The following ABLIM2 variants were observed in gnomAD, a reference collection of about 807,000 sequenced individuals.
The protein encoded by ABLIM2 is actin binding LIM protein family member 2.
Under a neutral mutation model 97.7 loss-of-function variants are expected in ABLIM2, and 53 were observed. The observed-to-expected ratio is 0.54, with a 90% CI of 0.44 to 0.68. The LOEUF (loss-of-function observed/expected upper bound fraction) is 0.68, where lower values mean the gene tolerates loss of function less well. ABLIM2 is among the 30% of genes least tolerant of loss of function. ABLIM2 has a pLI of 0.00. For missense variants in ABLIM2, 835 were observed against 867.2 expected, an observed-to-expected ratio of 0.96 and a Z score of 0.47; for synonymous variants, 361 against 345.8, an observed-to-expected ratio of 1.04 and a Z score of -0.49.
intron 7 of ABLIM2, among the ~76,000 whole-genome samples, chr4:8,056,845 T>A (rs1183120791): frequency 7.3e-6 from 1 of 137,232 alleles, no homozygotes; most frequent in Non-Finnish European, 1.5e-5. Flanking sequence ...GGCAGGAGAA[T>A]GGCGTGAACT....
chr4:8,064,836 T>C (rs1177026539), intron 6 of ABLIM2, among the ~76,000 whole-genome samples: 1 of 152,106 alleles, frequency 6.6e-6, no homozygotes, highest in African/African-American at 2.4e-5. Context: ...GTGTGTCCAG[T>C]TTGTAAAAAT....
chr4:8,137,926 C>T (rs759401392), intron 1 of ABLIM2, among the ~76,000 whole-genome samples: 11 of 152,206 alleles, frequency 7.2e-5, no homozygotes, highest in East Asian at 1.9e-4. Flanking sequence ...AGGTGCCCTC[C>T]GGCAAATGAA....
At chr4:8,134,390 G>C (rs1022230925) in intron 1 of ABLIM2, among the ~76,000 whole-genome samples, 13 of 152,062 alleles carry the variant, frequency 8.5e-5, no homozygotes, top group African/African-American at 2.7e-4. Flanking sequence ...CACTCGCCCA[G>C]GCCGGAAACT....
At chr4:8,011,908 T>C (rs909485914) in intron 14 of ABLIM2, among the ~76,000 whole-genome samples, 1 of 152,188 alleles carries the variant, frequency 6.6e-6, no homozygotes, top group Admixed American at 6.5e-5. Flanking sequence ...CCAAACCCCA[T>C]CTTATAATTC....
intron 3 of ABLIM2, among the ~76,000 whole-genome samples, chr4:8,089,799 A>C (rs76410285): frequency 6.7e-6 from 1 of 149,962 alleles, no homozygotes; most frequent in Non-Finnish European, 1.5e-5. Context: ...TGTCTTCTTC[A>C]GGGAGGAGAC....
At chr4:8,077,796 AAG>A (rs1817231962) in intron 5 of ABLIM2, 75 bp from the exon 6 acceptor site, 4 of 1,286,616 alleles carry the variant, frequency 3.1e-6, no homozygotes, top group South Asian at 2.7e-5. Context: ...CCTCACCAAC[AAG>A]AGAGTCTGCC....
chr4:8,153,637 C>A (rs181995951), intron 1 of ABLIM2, among the ~76,000 whole-genome samples: 2 of 152,220 alleles, frequency 1.3e-5, no homozygotes, highest in African/African-American at 4.8e-5. Flanking sequence ...CCCCATCCCA[C>A]GCAGCAGATA....
At chr4:8,154,032 G>A (rs1220568499) in intron 1 of ABLIM2, among the ~76,000 whole-genome samples, 30 of 140,986 alleles carry the variant, frequency 2.1e-4, no homozygotes, top group African/African-American at 2.6e-4. Flanking sequence ...GCGTGATCTC[G>A]GCTCACTGCA....
chr4:8,036,423 C>G, intron 9 of ABLIM2, 128 bp from the exon 10 acceptor site: 1 of 1,175,528 alleles, frequency 8.5e-7, no homozygotes, highest in South Asian at 1.5e-5. Flanking sequence ...AGGACAGTGC[C>G]CCCAAAGCCA....
Position 8,147,759 on chromosome 4 carries a change from C to A in ABLIM2, c.10+10921G>T, listed in dbSNP as rs1394807113. ...TTTAGCCTCGGACACTGACATTGAACTGCTGGCCTCCAGAGCTGGGAGGAA... is the reference window on the plus strand; with the variant it reads ...TTTAGCCTCGGACACTGACATTGAAATGCTGGCCTCCAGAGCTGGGAGGAA... On this transcript the variant is annotated intron_variant, in intron 1 of 20. Transcript: ENST00000447017. This position sits in a 1 kb window ranked among gnomAD's most constrained non-coding sequence, Gnocchi z 5.3. Among the ~76,000 whole-genome samples the A allele has an allele frequency of 6.6e-6, 1 of 152,224 alleles. No homozygotes were observed. Among genetic ancestry groups the A allele is most frequent in the East Asian group, 1.9e-4 (1 of 5,198 alleles).
chr4:8,115,790 T>C (rs145239747), intron 1 of ABLIM2, among the ~76,000 whole-genome samples: 112 of 152,294 alleles, frequency 7.4e-4, no homozygotes, highest in Middle Eastern at 6.8e-3. Context: ...TGCAACTGCT[T>C]TGACCAAAAG....
At chr4:8,007,902 T>A in intron 16 of ABLIM2, 157 bp downstream of exon 16, 1 of 1,451,842 alleles carries the variant, frequency 6.9e-7, no homozygotes. Flanking sequence ...AAAAGCCCCA[T>A]ATTTCCTTCC....
intron 6 of ABLIM2, among the ~76,000 whole-genome samples, chr4:8,062,027 G>A (rs1368022889): frequency 6.6e-6 from 1 of 152,146 alleles, no homozygotes; most frequent in Non-Finnish European, 1.5e-5. Context: ...CGGGCCAGGT[G>A]ATAAGGCCGT....
intron 20 of ABLIM2, among the ~76,000 whole-genome samples, chr4:7,973,906 G>C (rs1036643423): frequency 1.3e-5 from 2 of 152,220 alleles, no homozygotes; most frequent in Admixed American, 1.3e-4. Flanking sequence ...GTGTGCTGCA[G>C]ATGCGGCTCA....
rs2152071262 is a variant in ABLIM2 at position 8,058,590 on chromosome 4, C to A, written c.763+2377G>T. ...ACCTGTCCTCGCCGGGGCCCCTATG[C>A]CCCGTCCAATCCATCATCAAGTCTG... On this transcript the variant is annotated intron_variant, in intron 7 of 20. Transcript: ENST00000447017. This position sits in a 1 kb window ranked among gnomAD's most constrained non-coding sequence, Gnocchi z 4.2. Among the ~76,000 whole-genome samples the A allele has an allele frequency of 6.6e-6, 1 of 152,298 alleles. No homozygotes were observed. The highest frequency in any genetic ancestry group is 1.9e-4 in the East Asian group (1 of 5,160).
intron 10 of ABLIM2, among the ~76,000 whole-genome samples, chr4:8,030,819 C>T (rs1356700311): frequency 4.6e-5 from 7 of 152,164 alleles, no homozygotes; most frequent in Non-Finnish European, 5.9e-5. Context: ...TTTGGCAGCT[C>T]GGTGCAAGTG....
chr4:8,086,450 C>T (rs1178524753), intron 4 of ABLIM2, among the ~76,000 whole-genome samples: 2 of 150,960 alleles, frequency 1.3e-5, no homozygotes, highest in African/African-American at 4.9e-5. Context: ...CAAGTTCAAG[C>T]GATTCTCCTG....
rs2152970021 is a variant in ABLIM2 at position 8,158,762 on chromosome 4, C to T, written c.-73G>A. ...ACCCTCGGGCCCGCAGGTGCCGCGC[C>T]CGCGCTATCCTCCGCCCGCCCGCCG... On this transcript the variant is annotated 5_prime_UTR_variant, in exon 1 of 21. Transcript: ENST00000447017. 1.6e-6 allele frequency: 2 copies of T among 1,277,366 alleles called. No homozygotes were observed. Among genetic ancestry groups the T allele is most frequent in the East Asian group, 3.2e-5 (1 of 31,600 alleles). The allele number at this position is 1,277,366 out of a possible 1,614,324, so 79.1% of individuals were successfully genotyped here.
intron 20 of ABLIM2, 46 bp downstream of exon 20, chr4:7,983,216 ACT>A (rs1553895481): frequency 6.4e-7 from 1 of 1,554,844 alleles, no homozygotes; most frequent in Non-Finnish European, 8.7e-7. Context: ...ATCTGCGGGG[ACT>A]CTCGCATGGG....
Sources: gnomAD v4.1 joint callset for allele counts (sites outside exome capture counted in the v4.1 genomes callset) on GRCh38, gnomAD v4.1.1 for gene constraint, Gnocchi (gnomAD v3.1) non-coding constraint, MANE v1.5 for transcripts, NCBI Gene and HGNC (gene_info 2026-07-23, HGNC 2026-07-21) for gene names.